The following CACNA1E variants were observed in gnomAD, a reference collection of about 807,000 sequenced individuals.
CACNA1E encodes the protein voltage-dependent R-type calcium channel subunit alpha-1E.
Under a neutral mutation model 259.2 loss-of-function variants are expected in CACNA1E, and 40 were observed. The ratio of observed to expected loss-of-function variants is 0.15; its 90% confidence interval spans 0.12 to 0.20. CACNA1E has a LOEUF of 0.20. Ranked by LOEUF, CACNA1E falls within the 10% of genes least tolerant of loss-of-function variation. CACNA1E has a pLI of 1.00. For missense variants in CACNA1E, 1,874 were observed against 3,040.1 expected, an observed-to-expected ratio of 0.62 and a Z score of 9.02; for synonymous variants, 1,104 against 1,138.5, an observed-to-expected ratio of 0.97 and a Z score of 0.61.
rs1018112734 is a variant in CACNA1E at position 181,757,200 on chromosome 1, G to C, written c.4329+74G>C. The C allele has an allele frequency of 3.0e-6, 3 of 984,414 alleles. No individual in the cohort carries two copies. In the Admixed American group the frequency reaches 5.6e-5, roughly 18 times the overall value. The allele number at this position is 984,414 out of a possible 1,614,324, so 61.0% of individuals were successfully genotyped here. A position where few individuals can be genotyped will look rare whatever the true frequency, so the allele number is the denominator to read the frequency against. ...ATTCTTGGGCCAGCAATGTAAGAAA[G>C]GAGGACTGCATTTTCTTAACTTGAT... On this transcript the variant is annotated intron_variant, in intron 30 of 47. Transcript: ENST00000367573.
upstream of CACNA1E, among the ~76,000 whole-genome samples, chr1:181,478,639 C>CG (rs1558035192): frequency 1.3e-5 from 2 of 151,978 alleles, no homozygotes; most frequent in Non-Finnish European, 2.9e-5. Context: ...GTGTAACTGG[C>CG]AGGGTGGGGG....
In CACNA1E at chr1:181,483,762, G is replaced by A. The variant is rs1297521712; in HGVS notation, c.18G>A (p.Glu6=). Reference sequence around the variant, plus strand: ...ACCTCAGGATGGCTCGCTTCGGGGAGGCGGTGGTCGCCAGGCCAGGGTCCG... The same window carrying A: ...ACCTCAGGATGGCTCGCTTCGGGGAAGCGGTGGTCGCCAGGCCAGGGTCCG... MARFG[E]AVVARPGSGD... The change falls in exon 1 of 48, where the codon GAG becomes GAA. Residue 6 remains glutamate (E), a synonymous_variant. Coordinates refer to ENST00000367573, the MANE Select transcript of CACNA1E (RefSeq NM_001205293.3). 3.7e-6 allele frequency: 6 copies of A among 1,609,234 alleles called. No homozygotes were observed. The highest frequency in any genetic ancestry group is 5.1e-6 in the Non-Finnish European group (6 of 1,178,024).
rs865977303 is a variant in CACNA1E at position 181,538,602 on chromosome 1, G to A, written c.512+27092G>A. Among the ~76,000 whole-genome samples the A allele has an allele frequency of 3.3e-5, 5 of 152,302 alleles. No individual in the cohort carries two copies. In the Middle Eastern group the frequency reaches 0.01, roughly 311 times the overall value. ...CAAGAAGCAATTGCAATACATCACCGCACTAATGCTCTGTTGAATGTATTC... is the reference window on the plus strand; with the variant it reads ...CAAGAAGCAATTGCAATACATCACCACACTAATGCTCTGTTGAATGTATTC... On this transcript the variant is annotated intron_variant, in intron 3 of 47. Transcript: ENST00000367573.
chr1:181,731,658 C>T (rs1655491805), intron 19 of CACNA1E, among the ~76,000 whole-genome samples: 1 of 152,080 alleles, frequency 6.6e-6, no homozygotes, highest in Non-Finnish European at 1.5e-5. Flanking sequence ...CCCAGCGAGC[C>T]CTCTCCCATG....
At chr1:181,459,278 A>C (rs997824335) in intron 2 of CACNA1E, among the ~76,000 whole-genome samples, 1 of 152,272 alleles carries the variant, frequency 6.6e-6, no homozygotes, top group African/African-American at 2.4e-5. Context: ...AGAAACCTCA[A>C]GGAGGGCAGT....
In CACNA1E at chr1:181,726,150, T is replaced by C; in HGVS notation, c.2228T>C (p.Met743Thr). The C allele has an allele frequency of 6.2e-7, 1 of 1,611,886 alleles. No homozygotes were observed. Among genetic ancestry groups the C allele is most frequent in the Non-Finnish European group, 8.5e-7 (1 of 1,178,824 alleles). Residue 743 changes from methionine (M) to threonine (T), a missense_variant, in exon 18 of 48, where the codon ATG (methionine) becomes ACG (threonine). Transcript: ENST00000367573. ...KEVSPMSAPN[M>T]PSIERDRRRR... ...GTCAGCCCGATGTCTGCACCCAACA[T>C]GCCTTCGATCGAGTGAGTCAGCTGC...
At chr1:181,402,582 T>C (rs16857222) in intron 1 of CACNA1E, among the ~76,000 whole-genome samples, 1,768 of 152,332 alleles carry the variant, frequency 0.012, 30 homozygotes, top group African/African-American at 0.04. Flanking sequence ...TCCGTCCCCA[T>C]GCAGTACTGT....
intron 3 of CACNA1E, among the ~76,000 whole-genome samples, chr1:181,531,569 G>A (rs987693972): frequency 3.3e-5 from 5 of 152,192 alleles, no homozygotes; most frequent in Non-Finnish European, 7.3e-5. Flanking sequence ...TGGGCAGGGC[G>A]GGAGGTATGG....
At chr1:181,720,153 T>G in intron 13 of CACNA1E, 53 bp from the exon 14 acceptor site, 4 of 1,606,748 alleles carry the variant, frequency 2.5e-6, no homozygotes, top group Non-Finnish European at 3.4e-6. Context: ...CTGGGCTTGG[T>G]GGGTGACTTG....
At chr1:181,626,691 C>T (rs542783324) in intron 6 of CACNA1E, among the ~76,000 whole-genome samples, 6 of 152,290 alleles carry the variant, frequency 3.9e-5, no homozygotes, top group Non-Finnish European at 7.4e-5. Flanking sequence ...TAAGTATAGA[C>T]GTTCTCTGAG....
chr1:181,538,935 C>T (rs1668372231), intron 3 of CACNA1E, among the ~76,000 whole-genome samples: 1 of 152,206 alleles, frequency 6.6e-6, no homozygotes. Context: ...AATTCTTTGC[C>T]TAAAGGCTTT....
At chr1:181,713,015 C>T (rs560490186) in intron 8 of CACNA1E, among the ~76,000 whole-genome samples, 1 of 152,334 alleles carries the variant, frequency 6.6e-6, no homozygotes, top group Admixed American at 6.5e-5. Flanking sequence ...TCAAAGTGTG[C>T]TTCCTGGCCC....
intron 2 of CACNA1E, among the ~76,000 whole-genome samples, chr1:181,454,283 C>T (rs1433717188): frequency 1.3e-5 from 2 of 152,206 alleles, no homozygotes; most frequent in South Asian, 2.1e-4. Context: ...ACCCCGCTCC[C>T]CAGAGCCTCC....
chr1:181,387,935 TCA>T (rs1461309889), intron 1 of CACNA1E, among the ~76,000 whole-genome samples: 5 of 152,176 alleles, frequency 3.3e-5, no homozygotes, highest in Non-Finnish European at 7.3e-5. Context: ...TTTGTAGTGT[TCA>T]CTCCTGGGTC....
intron 6 of CACNA1E, among the ~76,000 whole-genome samples, chr1:181,641,726 T>TTGAGACAGAGTCTCGC (rs1657793954): frequency 1.4e-5 from 2 of 143,942 alleles, no homozygotes; most frequent in Non-Finnish European, 3.0e-5. Context: ...TTTTTTTTTT[T>TTGAGACAGAGTCTCGC]TTTTTGAGAC....
At chr1:181,349,065 C>T (rs2102662458) in intron 1 of CACNA1E, among the ~76,000 whole-genome samples, 1 of 148,490 alleles carries the variant, frequency 6.7e-6, no homozygotes, top group South Asian at 2.1e-4. Context: ...CCTCAGACAG[C>T]AGCATCCTTG....
chr1:181,719,659 C>A, intron 12 of CACNA1E, 92 bp from the exon 13 acceptor site: 1 of 599,984 alleles, frequency 1.7e-6, no homozygotes, highest in Non-Finnish European at 3.0e-6. Context: ...CCCCATCCCC[C>A]ACTGAGAGCT....
At chr1:181,755,143 G>T in intron 27 of CACNA1E, 94 bp from the exon 28 acceptor site, 1 of 917,652 alleles carries the variant, frequency 1.1e-6, no homozygotes. Context: ...TTCTTGGTGG[G>T]GCTGGGTAGT....
At chr1:181,704,029 C>T (rs1251442182) in intron 7 of CACNA1E, among the ~76,000 whole-genome samples, 1 of 152,156 alleles carries the variant, frequency 6.6e-6, no homozygotes, top group African/African-American at 2.4e-5. Context: ...AAGAATGACC[C>T]CATATGATGT....
Sources: allele counts gnomAD v4.1 joint callset (sites outside exome capture counted in the v4.1 genomes callset), GRCh38; gene constraint gnomAD v4.1.1; transcripts MANE v1.5; gene names NCBI Gene and HGNC (gene_info 2026-07-23, HGNC 2026-07-21).